RMND5B: variants seen among roughly 807,000 people sequenced by gnomAD.
The protein encoded by RMND5B is required for meiotic nuclear division 5 homolog B, also known as E3 ubiquitin-protein transferase RMND5B.
A neutral mutation model predicts 50.4 loss-of-function variants in RMND5B; 42 were observed. That is an observed-to-expected ratio of 0.83 (90% CI 0.65 to 1.08). The LOEUF is 1.08. RMND5B is among the 50% of genes least tolerant of loss of function. The pLI is 0.00. For missense variants in RMND5B, 463 were observed against 508.5 expected (o/e 0.91, Z 0.86); for synonymous variants, 220 against 210.0 (o/e 1.05, Z -0.41).
chr5:178,132,554 T>TA (rs1413962011), intron 2 of RMND5B, among the ~76,000 whole-genome samples: 1 of 151,640 alleles, frequency 6.6e-6, no homozygotes, highest in East Asian at 2.0e-4. Context: ...ATGGACCACT[T>TA]ACATGTGTCA....
intron 3 of RMND5B, among the ~76,000 whole-genome samples, chr5:178,140,613 C>T (rs935143943): frequency 6.6e-6 from 1 of 151,316 alleles, no homozygotes; most frequent in South Asian, 2.1e-4. Flanking sequence ...GCGGATCACT[C>T]GAGCCCAGGA....
chr5:178,149,802 AGGTGGG>A lies in RMND5B; in HGVS notation c.*1772_*1777del. ...TCATGGGGCTTGACCATTATCACAC[AGGTGGG>A]GCGCTTGGAGCCTGCGGCTGCACCC... is the stretch of plus-strand genomic sequence containing the variant. On this transcript the variant is annotated 3_prime_UTR_variant, in exon 11 of 11. Transcript: ENST00000313386. 2.5e-6 allele frequency: 4 copies of A among 1,613,874 alleles called. No homozygotes were observed. Among genetic ancestry groups the A allele is most frequent in the Non-Finnish European group, 2.5e-6 (3 of 1,179,844 alleles).
rs200781371 is a variant in RMND5B at position 178,149,702 on chromosome 5, A to G, written c.*1670A>G. On this transcript the variant is annotated 3_prime_UTR_variant, in exon 11 of 11. Coordinates refer to ENST00000313386, the MANE Select transcript of RMND5B (RefSeq NM_022762.5). Reference sequence around the variant, plus strand: ...TTCCAGCGGCAGGTGCCCAGGTGCTACCGGAGCCCCTCATAGGGGTAGGGG... The same window carrying G: ...TTCCAGCGGCAGGTGCCCAGGTGCTGCCGGAGCCCCTCATAGGGGTAGGGG... 1 of 1,612,848 alleles carries G rather than the reference A, an allele frequency of 6.2e-7. No homozygotes were observed. Among genetic ancestry groups the G allele is most frequent in the Non-Finnish European group, 8.5e-7 (1 of 1,179,856 alleles).
At chr5:178,135,531 G>T (rs574577598) in intron 2 of RMND5B, among the ~76,000 whole-genome samples, 2 of 152,272 alleles carry the variant, frequency 1.3e-5, no homozygotes, top group East Asian at 3.9e-4. Flanking sequence ...GTATATTTGG[G>T]ATGCAGTTTC....
intron 2 of RMND5B, among the ~76,000 whole-genome samples, chr5:178,132,749 T>TATTTTTTTA (rs1554096770): frequency 2.2e-5 from 3 of 133,984 alleles, no homozygotes; most frequent in African/African-American, 8.6e-5. Flanking sequence ...TTTTTTTTTT[T>TATTTTTTTA]TTTTTAAGCA....
At chr5:178,146,345 G>A (rs149787154) in intron 8 of RMND5B, 66 bp downstream of exon 8, 53 of 1,487,790 alleles carry the variant, frequency 3.6e-5, no homozygotes, top group Middle Eastern at 1.8e-4. Flanking sequence ...ATTTGCCAAG[G>A]CCCTGCCATG....
In RMND5B at chr5:178,149,877, T is replaced by C; in HGVS notation, c.*1845T>C. 2 of 1,609,430 alleles carry C rather than the reference T, an allele frequency of 1.2e-6. No homozygotes were observed. Among genetic ancestry groups the C allele is most frequent in the Non-Finnish European group, 8.5e-7 (1 of 1,177,140 alleles). On this transcript the variant is annotated 3_prime_UTR_variant, in exon 11 of 11. Transcript: ENST00000313386. ...AGAAGTGCTGTTTGGAAAAAAGCTG[T>C]ACAACCTGTATGCCAGGAAGTCACC...
At chr5:178,141,112 A>G (rs1758913194) in intron 3 of RMND5B, among the ~76,000 whole-genome samples, 1 of 152,152 alleles carries the variant, frequency 6.6e-6, no homozygotes, top group African/African-American at 2.4e-5. Context: ...CAGTTATTTA[A>G]TGTTCAAATT....
At position 178,137,250 on chromosome 5, in the gene RMND5B, C is replaced by A. The variant is rs1241278418; in HGVS notation, c.-12-858C>A. Among the ~76,000 whole-genome samples the A allele has an allele frequency of 6.6e-6, 1 of 152,108 alleles. No individual in the cohort carries two copies. The highest frequency in any genetic ancestry group is 2.1e-4 in the South Asian group (1 of 4,826). ...GTGAGGCAGGAGTGCTGGGCAAGTC[C>A]GTCAGGCCAGCATGGTTGGCAGTTA... On this transcript the variant is annotated intron_variant, in intron 2 of 10. Coordinates refer to ENST00000313386, the MANE Select transcript of RMND5B (RefSeq NM_022762.5). This position sits in a 1 kb window ranked among gnomAD's most constrained non-coding sequence, Gnocchi z 4.4.
chr5:178,142,752 C>T (rs759583487), intron 4 of RMND5B, 24 bp downstream of exon 4: 14 of 1,614,074 alleles, frequency 8.7e-6, no homozygotes, highest in South Asian at 2.2e-5. Context: ...CGGCTCCAGG[C>T]GTGGGGTGGG....
rs541326554 is a variant in RMND5B, at chr5:178,150,357, G to A, written c.*2325G>A. ...CTTTATCCCAAGAAGTGATACTGTA[G>A]GTACCCAAGATCCACCCCCAGCCTC... On this transcript the variant is annotated 3_prime_UTR_variant, in exon 11 of 11. Transcript: ENST00000313386. 3.9e-6 allele frequency: 1 copy of A among 259,188 alleles called. No individual in the cohort carries two copies. Among genetic ancestry groups the A allele is most frequent in the South Asian group, 4.2e-5 (1 of 23,712 alleles). 16.1% of individuals were successfully genotyped at this position (259,188 alleles called of 1,614,324 possible).
intron 3 of RMND5B, chr5:178,142,304 A>G (rs1758987369): frequency 4.8e-6 from 2 of 416,750 alleles, no homozygotes; most frequent in Non-Finnish European, 8.7e-6. Context: ...CACTTGACCC[A>G]TAGTAAGTGC....
In RMND5B at chr5:178,148,515, C is replaced by T. The variant is rs1465167727; in HGVS notation, c.*483C>T. On this transcript the variant is annotated 3_prime_UTR_variant, in exon 11 of 11. Coordinates refer to ENST00000313386, the MANE Select transcript of RMND5B (RefSeq NM_022762.5). ...CCACTGTAAATAGTCCCAGTTAGAACGGAATGCCGTTGTTTTATAACTTTG... is the reference window on the plus strand; with the variant it reads ...CCACTGTAAATAGTCCCAGTTAGAATGGAATGCCGTTGTTTTATAACTTTG... The T allele has an allele frequency of 1.1e-5, 2 of 174,090 alleles. No homozygotes were observed. The highest frequency in any genetic ancestry group is 2.4e-5 in the African/African-American group (1 of 41,972). 10.8% of individuals were successfully genotyped at this position (174,090 alleles called of 1,614,324 possible).
intron 8 of RMND5B, chr5:178,147,274 T>TA: frequency 1.9e-6 from 1 of 528,506 alleles, no homozygotes; most frequent in African/African-American, 1.9e-5. Flanking sequence ...GATGAGCAGA[T>TA]ATCTGCCCCT....
Position 178,137,613 on chromosome 5 carries a change from T to TG in RMND5B, c.-12-489dup, listed in dbSNP as rs1030482709. Among the ~76,000 whole-genome samples the TG allele has an allele frequency of 6.6e-6, 1 of 151,984 alleles. No homozygotes were observed. The highest frequency in any genetic ancestry group is 2.4e-5 in the African/African-American group (1 of 41,370). On this transcript the variant is annotated intron_variant, in intron 2 of 10. Transcript: ENST00000313386. This position sits in a 1 kb window ranked among gnomAD's most constrained non-coding sequence, Gnocchi z 4.4. ...CTAAAGTGGGAGAATCCCTTGGGCCTGGGGGGATCAAGGTTGCCATGAGCT... is the reference window on the plus strand; with the variant it reads ...CTAAAGTGGGAGAATCCCTTGGGCCTGGGGGGGATCAAGGTTGCCATGAGCT...
In RMND5B at chr5:178,138,841, CA is replaced by C. The variant is rs1758763097; in HGVS notation, c.139+585del. Among the ~76,000 whole-genome samples the C allele has an allele frequency of 6.6e-6, 1 of 152,184 alleles. No homozygotes were observed. The highest frequency in any genetic ancestry group is 2.4e-5 in the African/African-American group (1 of 41,458). Reference sequence around the variant, plus strand: ...AAATAAGTTGTAGATAACATAGCCCCAAGCCTTCAGTGTGTATGTCCTAAAA... The same window carrying C: ...AAATAAGTTGTAGATAACATAGCCCCAGCCTTCAGTGTGTATGTCCTAAAA... On this transcript the variant is annotated intron_variant, in intron 3 of 10. Transcript: ENST00000313386. This position sits in a 1 kb window ranked among gnomAD's most constrained non-coding sequence, Gnocchi z 5.1.
chr5:178,145,573 TA>T (rs1304754910), intron 7 of RMND5B, among the ~76,000 whole-genome samples: 2 of 151,936 alleles, frequency 1.3e-5, no homozygotes, highest in East Asian at 1.9e-4. Context: ...TGGCTAACTT[TA>T]TATATTTTTT....
rs76985343 is a variant in RMND5B at position 178,149,265 on chromosome 5, T to C, written c.*1233T>C. 2,939 of 161,222 alleles carry C rather than the reference T, an allele frequency of 0.018. 91 individuals carry two copies. The highest frequency in any genetic ancestry group is 0.067 in the African/African-American group (2,805 of 41,654). 10.0% of individuals were successfully genotyped at this position (161,222 alleles called of 1,614,324 possible). ...CCCCATCTACCCTGGAAGAGGGAGT[T>C]GAAAATGCTGGGATAGCAGCAGGAT... is the stretch of plus-strand genomic sequence containing the variant. On this transcript the variant is annotated 3_prime_UTR_variant, in exon 11 of 11. Transcript: ENST00000313386.
In RMND5B at chr5:178,147,513, C is replaced by T. The variant is rs1172899683; in HGVS notation, c.861-20C>T. 2.5e-6 allele frequency: 4 copies of T among 1,608,124 alleles called. No individual in the cohort carries two copies. Among genetic ancestry groups the T allele is most frequent in the East Asian group, 2.2e-5 (1 of 44,832 alleles). On this transcript the variant is annotated intron_variant, in intron 8 of 10. Coordinates refer to ENST00000313386, the MANE Select transcript of RMND5B (RefSeq NM_022762.5). ...TCTGCTGTGATCTGAGCCACTCTAG[C>T]CCCTGTTCCTTGTCTGCAGCTTTGC... is the stretch of plus-strand genomic sequence containing the variant.
Sources: gnomAD v4.1 joint callset for allele counts (sites outside exome capture counted in the v4.1 genomes callset) on GRCh38, gnomAD v4.1.1 for gene constraint, Gnocchi (gnomAD v3.1) non-coding constraint, MANE v1.5 for transcripts, NCBI Gene and HGNC (gene_info 2026-07-23, HGNC 2026-07-21) for gene names.